CPA6: variants seen among roughly 807,000 people sequenced by gnomAD.
The protein encoded by CPA6 is carboxypeptidase A6.
Under a neutral mutation model 63.3 loss-of-function variants are expected in CPA6, and 58 were observed. The observed-to-expected ratio is 0.92, with a 90% CI of 0.74 to 1.14. The LOEUF (loss-of-function observed/expected upper bound fraction) is 1.14, where lower values mean the gene tolerates loss of function less well. CPA6 is among the 50% of genes most tolerant of loss of function. CPA6 has a pLI of 0.00. For synonymous variants in CPA6, 185 were observed against 179.0 expected, an observed-to-expected ratio of 1.03 and a Z score of -0.27; for missense variants, 565 against 526.6, an observed-to-expected ratio of 1.07 and a Z score of -0.71.
intron 2 of CPA6, among the ~76,000 whole-genome samples, chr8:67,594,929 G>A (rs989197522): frequency 6.6e-6 from 1 of 152,222 alleles, no homozygotes; most frequent in African/African-American, 2.4e-5. Flanking sequence ...GTGAGGAACT[G>A]TGTTCCTTTG....
intron 8 of CPA6, among the ~76,000 whole-genome samples, chr8:67,460,546 A>G (rs975878592): frequency 6.6e-6 from 1 of 152,204 alleles, no homozygotes; most frequent in Non-Finnish European, 1.5e-5. Context: ...TACATTCCCA[A>G]TCTATGAGTA....
At chr8:67,699,431 T>TCAAAA (rs901811657) in intron 1 of CPA6, among the ~76,000 whole-genome samples, 5 of 151,320 alleles carry the variant, frequency 3.3e-5, no homozygotes, top group South Asian at 2.1e-4. Context: ...AGACTCTGTC[T>TCAAAA]CAAAACAAAA....
chr8:67,517,577 GCCTGGCTGGCATAGCTCCTGCAGA>G (rs1231240214), intron 3 of CPA6, among the ~76,000 whole-genome samples: 3 of 152,158 alleles, frequency 2.0e-5, no homozygotes, highest in Non-Finnish European at 4.4e-5. Context: ...CTCTGCCTCT[GCCTGGCTGGCATAGCTCCTGCAGA>G]AAGCCTTTTC....
chr8:67,626,703 A>G (rs374348936), intron 1 of CPA6, among the ~76,000 whole-genome samples: 4 of 152,082 alleles, frequency 2.6e-5, no homozygotes, highest in Non-Finnish European at 2.9e-5. Context: ...ATCTGACCCA[A>G]TACAATTCTT....
intron 1 of CPA6, among the ~76,000 whole-genome samples, chr8:67,744,930 C>T (rs1398064805): frequency 6.6e-6 from 1 of 152,130 alleles, no homozygotes; most frequent in Non-Finnish European, 1.5e-5. Context: ...CCAAAATTTC[C>T]TCTGTAAGCA....
intron 2 of CPA6, among the ~76,000 whole-genome samples, chr8:67,532,772 A>G (rs982349949): frequency 6.6e-6 from 1 of 152,234 alleles, no homozygotes; most frequent in Non-Finnish European, 1.5e-5. Flanking sequence ...CATTATATTA[A>G]TAATTTACTA....
chr8:67,433,984 G>C (rs946385325), intron 9 of CPA6, 54 bp downstream of exon 9: 1 of 1,275,082 alleles, frequency 7.8e-7, no homozygotes, highest in African/African-American at 1.5e-5. Context: ...AACCATCTTA[G>C]CTTCAGAAAA....
chr8:67,624,167 T>TGG lies in CPA6; in HGVS notation c.192+8_192+9insCC. The TGG allele has an allele frequency of 6.7e-7, 1 of 1,493,904 alleles. No homozygotes were observed. Among genetic ancestry groups the TGG allele is most frequent in the Non-Finnish European group, 9.3e-7 (1 of 1,074,306 alleles). The allele number at this position is 1,493,904 out of a possible 1,614,324, so 92.5% of individuals were successfully genotyped here. A position where few individuals can be genotyped will look rare whatever the true frequency, so the allele number is the denominator to read the frequency against. On this transcript the variant is annotated intron_variant, in intron 2 of 10. Transcript: ENST00000297770. Reference sequence around the variant, plus strand: ...CAATTCTACCATAAGTGTGTAGATGTTCTATTACCTTAAGTTGATAGGATA... The same window carrying TGG: ...CAATTCTACCATAAGTGTGTAGATGTGGTCTATTACCTTAAGTTGATAGGATA...
intron 2 of CPA6, among the ~76,000 whole-genome samples, chr8:67,584,858 C>T (rs1223327922): frequency 6.6e-6 from 1 of 152,118 alleles, no homozygotes; most frequent in Non-Finnish European, 1.5e-5. Context: ...CATGCCATAG[C>T]TAAGATAAAG....
intron 8 of CPA6, among the ~76,000 whole-genome samples, chr8:67,454,223 C>A (rs1418933262): frequency 2.6e-5 from 4 of 152,170 alleles, no homozygotes; most frequent in African/African-American, 9.7e-5. Context: ...TCACTAAAAC[C>A]ATCTATCTTT....
At chr8:67,439,572 A>G (rs1810241243) in intron 8 of CPA6, among the ~76,000 whole-genome samples, 2 of 150,548 alleles carry the variant, frequency 1.3e-5, no homozygotes, top group South Asian at 2.1e-4. Context: ...CTGGGTGACA[A>G]GAGCAAGACT....
chr8:67,603,847 T>C (rs1814558020), intron 2 of CPA6, among the ~76,000 whole-genome samples: 2 of 152,238 alleles, frequency 1.3e-5, no homozygotes, highest in African/African-American at 4.8e-5. Flanking sequence ...GCTTTGCTTT[T>C]GCCTCCACTC....
intron 1 of CPA6, among the ~76,000 whole-genome samples, chr8:67,734,098 C>T (rs1033249754): frequency 4.6e-5 from 7 of 151,062 alleles, no homozygotes; most frequent in Admixed American, 3.3e-4. Flanking sequence ...GCTGGGTCTC[C>T]AACTCCTGGG....
chr8:67,502,621 T>C (rs1811850997), intron 6 of CPA6, among the ~76,000 whole-genome samples: 1 of 152,252 alleles, frequency 6.6e-6, no homozygotes, highest in Admixed American at 6.5e-5. Flanking sequence ...TTTAGTGCTA[T>C]ACATTTCCCT....
chr8:67,430,140 T>C (rs1809989651), intron 9 of CPA6, among the ~76,000 whole-genome samples: 3 of 135,102 alleles, frequency 2.2e-5, no homozygotes, highest in Non-Finnish European at 1.5e-5. Flanking sequence ...TATGTGTGTG[T>C]GTGTGTGTGT....
intron 2 of CPA6, among the ~76,000 whole-genome samples, chr8:67,603,025 T>C (rs1814536540): frequency 6.6e-6 from 1 of 152,190 alleles, no homozygotes; most frequent in African/African-American, 2.4e-5. Flanking sequence ...ATGGTCTCAT[T>C]ATAAGCAAGA....
chr8:67,578,896 G>A (rs1258983547), intron 2 of CPA6, among the ~76,000 whole-genome samples: 1 of 151,952 alleles, frequency 6.6e-6, no homozygotes, highest in Non-Finnish European at 1.5e-5. Flanking sequence ...AAGTAACACA[G>A]GATAAACATC....
chr8:67,486,545 A>C (rs1460623605), intron 6 of CPA6, among the ~76,000 whole-genome samples: 3 of 152,334 alleles, frequency 2.0e-5, no homozygotes, highest in Admixed American at 6.5e-5. Flanking sequence ...CCTCGTTTTC[A>C]AGCAATGCAT....
At chr8:67,569,617 G>C (rs1205197025) in intron 2 of CPA6, 1 of 433,752 alleles carries the variant, frequency 2.3e-6, no homozygotes, top group African/African-American at 2.0e-5. Context: ...AGTCAATAAT[G>C]CAAAACAGAA....
Sources: gnomAD v4.1 joint callset for allele counts (sites outside exome capture counted in the v4.1 genomes callset) on GRCh38, gnomAD v4.1.1 for gene constraint, MANE v1.5 for transcripts, NCBI Gene and HGNC (gene_info 2026-07-23, HGNC 2026-07-21) for gene names.